The following NUP214 variants were observed in gnomAD, a reference collection of about 807,000 sequenced individuals.
The protein encoded by NUP214 is nuclear pore complex protein Nup214.
A neutral mutation model predicts 196.2 loss-of-function variants in NUP214; 79 were observed. That is an observed-to-expected ratio of 0.40 (90% CI 0.34 to 0.49). NUP214 has a LOEUF of 0.49. Among genes scored for constraint, NUP214 ranks in the 20% least tolerant of loss-of-function variants. The pLI is 0.58. For synonymous variants in NUP214, 1,020 were observed against 990.5 expected, an observed-to-expected ratio of 1.03 and a Z score of -0.56; for missense variants, 2,468 against 2,539.0, an observed-to-expected ratio of 0.97 and a Z score of 0.60.
intron 31 of NUP214, among the ~76,000 whole-genome samples, chr9:131,222,281 G>A (rs778336309): frequency 2.6e-5 from 4 of 152,240 alleles, no homozygotes; most frequent in Non-Finnish European, 5.9e-5. Flanking sequence ...TATAAAAGCA[G>A]GAGGTAAGTG....
At chr9:131,162,966 A>G (rs1832684390) in intron 18 of NUP214, 25 bp from the exon 19 acceptor site, 9 of 1,612,556 alleles carry the variant, frequency 5.6e-6, no homozygotes, top group Admixed American at 1.7e-5. Flanking sequence ...TTCATGTTTA[A>G]TTCTTTTCTC....
At position 131,225,335 on chromosome 9, in the gene NUP214, A is replaced by G. The variant is rs183489400; in HGVS notation, c.5902+2405A>G. Among the ~76,000 whole-genome samples, 42 of 152,286 alleles carry G rather than the reference A, an allele frequency of 2.8e-4. No homozygotes were observed. The East Asian group carries it at 5.4e-3, about 20-fold the overall frequency. ...TCGGGAGACTGAGGTGGGAGGATCA[A>G]TTGAGCCTGGGAGGCAGAGATTGCA... On this transcript the variant is annotated intron_variant, in intron 32 of 35. Coordinates refer to ENST00000359428, the MANE Select transcript of NUP214 (RefSeq NM_005085.4).
chr9:131,201,397 C>T (rs544090252), intron 29 of NUP214, among the ~76,000 whole-genome samples: 5 of 151,674 alleles, frequency 3.3e-5, no homozygotes, highest in East Asian at 3.9e-4. Context: ...CAGAGCAAGA[C>T]TCCATCTCAA....
At chr9:131,169,024 G>GTTT (rs539553381) in intron 21 of NUP214, among the ~76,000 whole-genome samples, 4 of 48,904 alleles carry the variant, frequency 8.2e-5, no homozygotes, top group African/African-American at 2.0e-4. Flanking sequence ...TGCTTACTTT[G>GTTT]TTTTTTTTTG....
chr9:131,210,499 C>A (rs942871318), intron 30 of NUP214, among the ~76,000 whole-genome samples: 15 of 151,966 alleles, frequency 9.9e-5, no homozygotes, highest in Non-Finnish European at 2.1e-4. Flanking sequence ...TGGTGGCGCG[C>A]CCCTGTAGTC....
chr9:131,213,611 A>G (rs1834308655), intron 30 of NUP214, among the ~76,000 whole-genome samples: 1 of 152,162 alleles, frequency 6.6e-6, no homozygotes, highest in Non-Finnish European at 1.5e-5. Context: ...AATACCTTCC[A>G]CATGCATGCA....
Position 131,130,746 on chromosome 9 carries a change from G to A in NUP214, c.593-20G>A. ...TGCTCCATTTTCTTGTTTTCATTTG[G>A]TAATACTGTCTTTGCTCAGTGTGCT... On this transcript the variant is annotated intron_variant, in intron 4 of 35. Coordinates refer to ENST00000359428, the MANE Select transcript of NUP214 (RefSeq NM_005085.4). 6.2e-7 allele frequency: 1 copy of A among 1,612,142 alleles called. No individual in the cohort carries two copies. Among genetic ancestry groups the A allele is most frequent in the Non-Finnish European group, 8.5e-7 (1 of 1,178,394 alleles).
At chr9:131,221,907 G>C (rs1353279976) in intron 31 of NUP214, among the ~76,000 whole-genome samples, 5 of 151,626 alleles carry the variant, frequency 3.3e-5, no homozygotes, top group African/African-American at 1.2e-4. Flanking sequence ...CTGAGTGACA[G>C]CTGCTGTGTA....
At chr9:131,229,947 C>T (rs1432013027) in intron 33 of NUP214, 1 of 355,866 alleles carries the variant, frequency 2.8e-6, no homozygotes, top group East Asian at 8.2e-5. Context: ...ACCTAGTCAC[C>T]TCCAGACCCC....
In NUP214 at chr9:131,130,811, A is replaced by G; in HGVS notation, c.638A>G (p.Asn213Ser). The G allele has an allele frequency of 6.2e-7, 1 of 1,614,196 alleles. No homozygotes were observed. The highest frequency in any genetic ancestry group is 8.5e-7 in the Non-Finnish European group (1 of 1,180,000). ...AAGCAGCTGGCAGTGGGAAAACAGA[A>G]TGGAACTGTGGTCCAGTATCTTCCT... ...KGKQLAVGKQ[N>S]GTVVQYLPTL... The change falls in exon 5 of 36, where the codon AAT becomes AGT. Residue 213 changes from asparagine to serine, a missense_variant. Around this residue, in one of 5 missense-constraint regions of NUP214, gnomAD observed 392 missense variants for 417.9 expected, o/e 0.94. Transcript: ENST00000359428.
At chr9:131,220,460 A>G (rs1028108591) in intron 31 of NUP214, among the ~76,000 whole-genome samples, 1 of 152,236 alleles carries the variant, frequency 6.6e-6, no homozygotes, top group African/African-American at 2.4e-5. Context: ...GAGTGATTAC[A>G]GCTTTAATGG....
At chr9:131,159,242 G>A (rs549564240) in intron 17 of NUP214, 141 bp from the exon 18 acceptor site, 13 of 642,820 alleles carry the variant, frequency 2.0e-5, no homozygotes, top group African/African-American at 1.3e-4. Flanking sequence ...TTTAAAAATC[G>A]TATTAAAACC....
chr9:131,130,470 T>G (rs1483202589), intron 4 of NUP214, among the ~76,000 whole-genome samples: 2 of 152,166 alleles, frequency 1.3e-5, no homozygotes, highest in Non-Finnish European at 2.9e-5. Flanking sequence ...TTTGGAAACC[T>G]TCTCTGTTCT....
chr9:131,208,653 C>T (rs185936846), intron 30 of NUP214, among the ~76,000 whole-genome samples: 9 of 151,544 alleles, frequency 5.9e-5, no homozygotes, highest in African/African-American at 2.2e-4. Flanking sequence ...GCCGAGATCG[C>T]GCCACTGCAC....
In NUP214 at chr9:131,163,604, G is replaced by T. The variant is rs552035548; in HGVS notation, c.2724-266G>T. On this transcript the variant is annotated intron_variant, in intron 19 of 35. Transcript: ENST00000359428. ...GCCTTGAGTTTACCAAAATGGTTTT[G>T]TGTTTATGCTTTTAGGCCAAATGTA... Among the ~76,000 whole-genome samples, 10 of 152,174 alleles carry T rather than the reference G, an allele frequency of 6.6e-5. No homozygotes were observed. The East Asian group carries it at 1.9e-3, about 29-fold the overall frequency.
chr9:131,204,564 CAGTG>C (rs1834028482), intron 30 of NUP214, among the ~76,000 whole-genome samples: 1 of 152,134 alleles, frequency 6.6e-6, no homozygotes, highest in Admixed American at 6.6e-5. Flanking sequence ...CAAAAACAGG[CAGTG>C]AGCTGGATTT....
intron 21 of NUP214, among the ~76,000 whole-genome samples, chr9:131,169,024 GT>G (rs539553381): frequency 2.0e-5 from 1 of 48,910 alleles, no homozygotes; most frequent in Admixed American, 3.2e-4. Context: ...TGCTTACTTT[GT>G]TTTTTTTTGT....
intron 21 of NUP214, among the ~76,000 whole-genome samples, chr9:131,173,346 G>C (rs1833010784): frequency 7.1e-6 from 1 of 141,718 alleles, no homozygotes; most frequent in Admixed American, 7.1e-5. Flanking sequence ...TTGAGCCACT[G>C]CACCCAGCCT....
At position 131,130,749 on chromosome 9, in the gene NUP214, A is replaced by G; in HGVS notation, c.593-17A>G. On this transcript the variant is annotated splice_polypyrimidine_tract_variant and intron_variant, in intron 4 of 35. Coordinates refer to ENST00000359428, the MANE Select transcript of NUP214 (RefSeq NM_005085.4). Reference sequence around the variant, plus strand: ...TCCATTTTCTTGTTTTCATTTGGTAATACTGTCTTTGCTCAGTGTGCTGGA... The same window carrying G: ...TCCATTTTCTTGTTTTCATTTGGTAGTACTGTCTTTGCTCAGTGTGCTGGA... 1 of 1,613,070 alleles carries G rather than the reference A, an allele frequency of 6.2e-7. No individual in the cohort carries two copies. The highest frequency in any genetic ancestry group is 8.5e-7 in the Non-Finnish European group (1 of 1,179,152).
Sources: allele counts gnomAD v4.1 joint callset (sites outside exome capture counted in the v4.1 genomes callset), GRCh38; gene constraint gnomAD v4.1.1; regional missense constraint gnomAD v4.1.1; transcripts MANE v1.5; gene names NCBI Gene and HGNC (gene_info 2026-07-23, HGNC 2026-07-21).